LRRC4C: variants seen among roughly 807,000 people sequenced by gnomAD.
LRRC4C encodes leucine rich repeat containing 4C, also known as leucine-rich repeat-containing protein 4C.
A neutral mutation model predicts 33.6 loss-of-function variants in LRRC4C; 5 were observed. The ratio of observed to expected loss-of-function variants is 0.15; its 90% CI spans 0.08 to 0.31. The LOEUF (loss-of-function observed/expected upper bound fraction) is 0.31. LRRC4C is among the 10% of genes least tolerant of loss of function. The probability of loss-of-function intolerance (pLI) is 1.00; values close to 1 mark genes in which losing one functional copy is unlikely to be tolerated. For synonymous variants in LRRC4C, 329 were observed against 302.0 expected (o/e 1.09, Z -0.93); for missense variants, 560 against 796.7 (o/e 0.70, Z 3.58).
chr11:40,522,585 A>G (rs1442640534), intron 3 of LRRC4C, among the ~76,000 whole-genome samples: 1 of 150,064 alleles, frequency 6.7e-6, no homozygotes, highest in Non-Finnish European at 1.5e-5. Flanking sequence ...TAAGCAACTG[A>G]AATGTGGCTA....
At chr11:40,598,298 CAAAG>C (rs1302293004) in intron 3 of LRRC4C, among the ~76,000 whole-genome samples, 1 of 152,144 alleles carries the variant, frequency 6.6e-6, no homozygotes, top group African/African-American at 2.4e-5. Flanking sequence ...ACCAAACAAA[CAAAG>C]AGCCTCAAAA....
At chr11:41,098,631 C>T (rs1265373628) in intron 1 of LRRC4C, among the ~76,000 whole-genome samples, 1 of 152,082 alleles carries the variant, frequency 6.6e-6, no homozygotes, top group African/African-American at 2.4e-5. Flanking sequence ...TTTGCTTGTA[C>T]CTTAGTGACC....
chr11:40,646,955 A>C (rs866283254), intron 3 of LRRC4C, among the ~76,000 whole-genome samples: 2 of 152,268 alleles, frequency 1.3e-5, no homozygotes, highest in South Asian at 4.1e-4. Context: ...GGCTGTGTTT[A>C]CCTCACCATT....
chr11:41,248,441 T>C (rs1395664423), intron 1 of LRRC4C, among the ~76,000 whole-genome samples: 2 of 152,162 alleles, frequency 1.3e-5, no homozygotes, highest in African/African-American at 2.4e-5. Flanking sequence ...TATCAACAAC[T>C]CTTGGCAGAA....
chr11:40,383,920 AATTATTATTATT>A (rs143241296), intron 3 of LRRC4C, among the ~76,000 whole-genome samples: 9 of 135,402 alleles, frequency 6.6e-5, no homozygotes, highest in Admixed American at 2.9e-4. Context: ...TTTTAATTCA[AATTATTATTATT>A]ATTATTATTA....
At chr11:40,367,174 G>A (rs1363902597) in intron 3 of LRRC4C, among the ~76,000 whole-genome samples, 1 of 152,000 alleles carries the variant, frequency 6.6e-6, no homozygotes, top group Non-Finnish European at 1.5e-5. Flanking sequence ...ACACAGCCAA[G>A]CCCATTGTAG....
At chr11:41,192,416 C>A (rs1945997102) in intron 1 of LRRC4C, among the ~76,000 whole-genome samples, 1 of 151,454 alleles carries the variant, frequency 6.6e-6, no homozygotes, top group Non-Finnish European at 1.5e-5. Context: ...CACACACACA[C>A]ACACACACAT....
chr11:40,896,412 G>A (rs1161764257), intron 2 of LRRC4C, among the ~76,000 whole-genome samples: 1 of 152,222 alleles, frequency 6.6e-6, no homozygotes, highest in East Asian at 1.9e-4. Context: ...TCTTCTCACT[G>A]ATAAATCTTA....
intron 2 of LRRC4C, among the ~76,000 whole-genome samples, chr11:40,839,973 A>G (rs74746008): frequency 0.012 from 1,897 of 152,304 alleles, 17 homozygotes; most frequent in Non-Finnish European, 0.018. Flanking sequence ...GAAGTATACT[A>G]TAATTCATTT....
intron 5 of LRRC4C, among the ~76,000 whole-genome samples, chr11:40,198,909 G>A (rs540186354): frequency 6.3e-4 from 96 of 152,300 alleles, no homozygotes; most frequent in African/African-American, 2.1e-3. Flanking sequence ...CCCAGAAGGA[G>A]GTGAGAGAGA....
chr11:41,301,078 C>T (rs1357019024), intron 1 of LRRC4C, among the ~76,000 whole-genome samples: 1 of 152,096 alleles, frequency 6.6e-6, no homozygotes, highest in Non-Finnish European at 1.5e-5. Context: ...GTTAGTGGAA[C>T]CACTGAATTA....
At chr11:40,613,702 G>C (rs1319275830) in intron 3 of LRRC4C, among the ~76,000 whole-genome samples, 2 of 151,772 alleles carry the variant, frequency 1.3e-5, no homozygotes, top group Non-Finnish European at 2.9e-5. Flanking sequence ...AGATCCATCA[G>C]AGAAATCACT....
At chr11:40,878,490 CATGTGCA>C (rs765273357) in intron 2 of LRRC4C, among the ~76,000 whole-genome samples, 3 of 152,198 alleles carry the variant, frequency 2.0e-5, no homozygotes, top group Non-Finnish European at 4.4e-5. Flanking sequence ...AGAGCCCTCG[CATGTGCA>C]ATTCACAATA....
chr11:41,216,340 C>CAAGA (rs1369282748), intron 1 of LRRC4C, among the ~76,000 whole-genome samples: 4 of 150,066 alleles, frequency 2.7e-5, no homozygotes, highest in African/African-American at 9.8e-5. Context: ...ATTTTAATGT[C>CAAGA]AAGAAAGAAA....
intron 3 of LRRC4C, among the ~76,000 whole-genome samples, chr11:40,336,132 A>G (rs1946586982): frequency 6.6e-6 from 1 of 152,216 alleles, no homozygotes; most frequent in Non-Finnish European, 1.5e-5. Flanking sequence ...TGGCGATATA[A>G]TAGCAGTCAA....
intron 1 of LRRC4C, among the ~76,000 whole-genome samples, chr11:40,950,235 A>G (rs965938841): frequency 6.6e-6 from 1 of 151,788 alleles, no homozygotes; most frequent in Non-Finnish European, 1.5e-5. Context: ...AGATCATTCC[A>G]TTATGTTTTT....
chr11:40,937,671 GAC>G (rs1957967522), intron 1 of LRRC4C, among the ~76,000 whole-genome samples: 1 of 150,178 alleles, frequency 6.7e-6, no homozygotes, highest in Admixed American at 6.7e-5. Flanking sequence ...TCTTTTTTGA[GAC>G]AGAGTCTCAC....
intron 2 of LRRC4C, among the ~76,000 whole-genome samples, chr11:40,765,457 T>C (rs1446382702): frequency 6.6e-6 from 1 of 152,162 alleles, no homozygotes; most frequent in Non-Finnish European, 1.5e-5. Context: ...AATTATGCAG[T>C]TCAAATATTT....
intron 3 of LRRC4C, among the ~76,000 whole-genome samples, chr11:40,545,431 T>TA (rs1229947500): frequency 6.6e-6 from 1 of 151,982 alleles, no homozygotes; most frequent in African/African-American, 2.4e-5. Context: ...CTATAATTTA[T>TA]AAAAATATAA....
Sources: gnomAD v4.1 joint callset for allele counts (sites outside exome capture counted in the v4.1 genomes callset) on GRCh38, gnomAD v4.1.1 for gene constraint, MANE v1.5 for transcripts, NCBI Gene and HGNC (gene_info 2026-07-23, HGNC 2026-07-21) for gene names.